Variants in FBXO36 observed in about 807,000 individuals in gnomAD.
The protein encoded by FBXO36 is F-box only protein 36.
Under a neutral mutation model 17.0 loss-of-function variants are expected in FBXO36, and 18 were observed. The observed-to-expected ratio is 1.06, with a 90% CI of 0.73 to 1.57. The LOEUF (loss-of-function observed/expected upper bound fraction) is 1.57, where lower values mean the gene tolerates loss of function less well. Among genes scored for constraint, FBXO36 ranks in the 40% most tolerant of loss-of-function variants. The pLI, the probability that FBXO36 is intolerant of heterozygous loss-of-function variation, is 0.00. For synonymous variants in FBXO36, 83 were observed against 85.3 expected (o/e 0.97, Z 0.15); for missense variants, 229 against 221.9 (o/e 1.03, Z -0.20).
intron 1 of FBXO36, among the ~76,000 whole-genome samples, chr2:229,940,635 A>C (rs1221721704): frequency 6.6e-6 from 1 of 152,190 alleles, no homozygotes; most frequent in Non-Finnish European, 1.5e-5. Flanking sequence ...CCCTTATCCA[A>C]TACTACTGGT....
At chr2:229,992,979 A>G (rs1374670514) in intron 2 of FBXO36, among the ~76,000 whole-genome samples, 7 of 152,066 alleles carry the variant, frequency 4.6e-5, no homozygotes, top group Non-Finnish European at 1.0e-4. Flanking sequence ...TGATTTTTTT[A>G]TCTTGCCCAA....
chr2:229,935,231 ACAAAGCAG>A (rs1424265476), intron 1 of FBXO36, among the ~76,000 whole-genome samples: 2 of 152,340 alleles, frequency 1.3e-5, no homozygotes, highest in Admixed American at 6.5e-5. Context: ...TTGTGCCTAT[ACAAAGCAG>A]GTATAATTGG....
chr2:229,942,961 C>T (rs752333219), intron 1 of FBXO36: 3 of 152,206 alleles, frequency 2.0e-5, no homozygotes, highest in East Asian at 3.8e-4. Flanking sequence ...CCTCCCTCAC[C>T]CTTATTTTGT....
At chr2:229,969,181 G>A (rs535172635) in intron 1 of FBXO36, among the ~76,000 whole-genome samples, 13 of 151,530 alleles carry the variant, frequency 8.6e-5, no homozygotes, top group South Asian at 2.1e-4. Flanking sequence ...ATCTAAAGAC[G>A]CATAATTAGA....
chr2:229,994,209 T>G (rs1289337422), intron 2 of FBXO36, among the ~76,000 whole-genome samples: 1 of 152,216 alleles, frequency 6.6e-6, no homozygotes, highest in Non-Finnish European at 1.5e-5. Context: ...TAAGCACTGC[T>G]TTTTCTTCTT....
intron 3 of FBXO36, among the ~76,000 whole-genome samples, chr2:230,009,272 G>A (rs1344202683): frequency 1.3e-5 from 2 of 152,156 alleles, no homozygotes; most frequent in South Asian, 2.1e-4. Flanking sequence ...GTATGGGCCA[G>A]GGAGGCTGCC....
At chr2:229,970,972 G>A (rs569222428) in intron 1 of FBXO36, among the ~76,000 whole-genome samples, 30 of 152,072 alleles carry the variant, frequency 2.0e-4, no homozygotes, top group Non-Finnish European at 4.1e-4. Flanking sequence ...GTCCAAAATG[G>A]CTGTAGCAAT....
At chr2:229,988,354 A>G (rs780424779) in intron 2 of FBXO36, among the ~76,000 whole-genome samples, 1 of 152,138 alleles carries the variant, frequency 6.6e-6, no homozygotes, top group Non-Finnish European at 1.5e-5. Context: ...TTACTGTTCC[A>G]GTGTTTCTTT....
chr2:229,966,461 A>G (rs182901406), intron 1 of FBXO36, among the ~76,000 whole-genome samples: 94 of 152,288 alleles, frequency 6.2e-4, no homozygotes, highest in Non-Finnish European at 1.1e-3. Flanking sequence ...GCCCATGCCT[A>G]TGTCCTGAAA....
In FBXO36 at chr2:229,988,847, T is replaced by G. The variant is rs1013265342; in HGVS notation, c.206-7904T>G. On this transcript the variant is annotated intron_variant, in intron 2 of 3. Transcript: ENST00000283946. ...TGGCCTGTTTTTTTTTTTTTTTGTT[T>G]TTTTTTTTTTACCGCATAGTATTTA... 1.9e-3 allele frequency among the ~76,000 whole-genome samples: 281 copies of G among 148,504 alleles called. 1 individual carries two copies. The highest frequency in any genetic ancestry group is 6.9e-3 in the Middle Eastern group (2 of 290).
intron 2 of FBXO36, among the ~76,000 whole-genome samples, chr2:229,993,147 T>A (rs977141124): frequency 2.0e-5 from 3 of 152,130 alleles, no homozygotes; most frequent in African/African-American, 2.4e-5. Flanking sequence ...CCCCAAAACA[T>A]GTTGATTTGC....
chr2:229,973,116 C>T (rs1351442866), intron 1 of FBXO36, among the ~76,000 whole-genome samples: 1 of 149,674 alleles, frequency 6.7e-6, no homozygotes, highest in East Asian at 1.9e-4. Context: ...GTTAAAAATT[C>T]TTCCAAGTTG....
intron 1 of FBXO36, among the ~76,000 whole-genome samples, chr2:229,949,377 T>C (rs1342474735): frequency 2.0e-5 from 3 of 152,062 alleles, no homozygotes; most frequent in Admixed American, 2.0e-4. Context: ...CAAAGAAAAT[T>C]GGTTAAGTAA....
chr2:229,928,414 G>A (rs980973240), intron 1 of FBXO36, among the ~76,000 whole-genome samples: 9 of 152,124 alleles, frequency 5.9e-5, no homozygotes, highest in South Asian at 2.1e-4. Context: ...TTTACTCTCC[G>A]CATTCATATT....
chr2:229,980,211 C>G (rs1035029393), intron 2 of FBXO36, among the ~76,000 whole-genome samples: 9 of 152,206 alleles, frequency 5.9e-5, no homozygotes, highest in Admixed American at 2.0e-4. Context: ...CAGGCACACA[C>G]CACCACACCT....
chr2:229,952,047 T>C (rs1473204295), intron 1 of FBXO36, among the ~76,000 whole-genome samples: 2 of 152,216 alleles, frequency 1.3e-5, no homozygotes, highest in African/African-American at 4.8e-5. Context: ...AAAATGTTTT[T>C]TTCTCCCTAA....
chr2:229,968,645 T>A (rs1311584536), intron 1 of FBXO36, among the ~76,000 whole-genome samples: 1 of 152,126 alleles, frequency 6.6e-6, no homozygotes, highest in Non-Finnish European at 1.5e-5. Flanking sequence ...TTTTTGTATT[T>A]TTTGTGGAGA....
intron 1 of FBXO36, among the ~76,000 whole-genome samples, chr2:229,941,631 C>T (rs998096623): frequency 4.6e-5 from 7 of 151,532 alleles, no homozygotes; most frequent in African/African-American, 1.7e-4. Context: ...AGGGACATGA[C>T]AGTGGGGAAG....
intron 1 of FBXO36, among the ~76,000 whole-genome samples, chr2:229,968,788 T>A (rs1008440555): frequency 2.6e-4 from 39 of 152,014 alleles, no homozygotes; most frequent in East Asian, 7.7e-4. Flanking sequence ...TATTATTATT[T>A]TTTGAAATGG....
Sources: gnomAD v4.1 joint callset for allele counts (sites outside exome capture counted in the v4.1 genomes callset) on GRCh38, gnomAD v4.1.1 for gene constraint, MANE v1.5 for transcripts, NCBI Gene and HGNC (gene_info 2026-07-23, HGNC 2026-07-21) for gene names.